Variants in SEC24B observed in about 807,000 individuals in gnomAD.
SEC24B encodes the protein SEC24 homolog B, COPII component.
SEC24B carries 45 observed loss-of-function variants against 142.8 expected under a neutral mutation model. That is an observed-to-expected ratio of 0.32 (90% confidence interval 0.25 to 0.40). The LOEUF (loss-of-function observed/expected upper bound fraction) is 0.40, where lower values mean the gene tolerates loss of function less well. Among genes scored for constraint, SEC24B ranks in the 10% least tolerant of loss-of-function variants. The probability of loss-of-function intolerance (pLI) is 1.00; values close to 1 mark genes in which losing one functional copy is unlikely to be tolerated. For missense variants in SEC24B, 1,409 were observed against 1,526.8 expected, an observed-to-expected ratio of 0.92 and a Z score of 1.29; for synonymous variants, 574 against 568.2, an observed-to-expected ratio of 1.01 and a Z score of -0.15.
At chr4:109,485,460 G>T (rs1252235694) in intron 4 of SEC24B, among the ~76,000 whole-genome samples, 1 of 152,130 alleles carries the variant, frequency 6.6e-6, no homozygotes, top group African/African-American at 2.4e-5. Context: ...TGGGAGTAAA[G>T]GGCACATGAC....
chr4:109,526,536 T>G (rs1246998952), intron 17 of SEC24B, 137 bp downstream of exon 17: 1 of 568,390 alleles, frequency 1.8e-6, no homozygotes, highest in African/African-American at 1.9e-5. Context: ...CAAACATATG[T>G]TGTTATTTTC....
intron 2 of SEC24B, among the ~76,000 whole-genome samples, chr4:109,466,889 A>G (rs1731953899): frequency 6.6e-6 from 1 of 152,256 alleles, no homozygotes; most frequent in Non-Finnish European, 1.5e-5. Context: ...AGATGGATAC[A>G]TACTGTTATT....
intron 2 of SEC24B, among the ~76,000 whole-genome samples, chr4:109,470,733 A>G (rs568764099): frequency 6.6e-6 from 1 of 152,370 alleles, no homozygotes; most frequent in African/African-American, 2.4e-5. Flanking sequence ...GAATAAATAA[A>G]TTATATTCTT....
At chr4:109,434,428 T>C (rs1728193246) in intron 1 of SEC24B, among the ~76,000 whole-genome samples, 2 of 152,156 alleles carry the variant, frequency 1.3e-5, no homozygotes, top group African/African-American at 2.4e-5. Flanking sequence ...CCGAGGCCGC[T>C]GAGTGCGTGG....
At chr4:109,482,628 T>A (rs1375431232) in intron 4 of SEC24B, among the ~76,000 whole-genome samples, 4 of 151,794 alleles carry the variant, frequency 2.6e-5, no homozygotes, top group Non-Finnish European at 2.9e-5. Flanking sequence ...CTATATATAT[T>A]TTTTTATTTT....
At chr4:109,530,895 C>CAAAAAAAA (rs35997146) in intron 19 of SEC24B, among the ~76,000 whole-genome samples, 13 of 46,326 alleles carry the variant, frequency 2.8e-4, no homozygotes, top group East Asian at 8.9e-4. Context: ...GACTCCGTCT[C>CAAAAAAAA]AAAAAAAAAA....
intron 20 of SEC24B, 116 bp from the exon 21 acceptor site, chr4:109,532,523 A>G (rs1725037157): frequency 1.4e-6 from 1 of 723,600 alleles, no homozygotes; most frequent in Non-Finnish European, 2.4e-6. Flanking sequence ...TTTTTATATC[A>G]TGCAAAACTC....
rs1724137242 is a variant in SEC24B at position 109,525,593 on chromosome 4, T to G, written c.2791+89T>G. On this transcript the variant is annotated intron_variant, in intron 16 of 23. Coordinates refer to ENST00000265175, the MANE Select transcript of SEC24B (RefSeq NM_006323.5). ...TGTATTGACTACCTCTGACTGTTCA[T>G]GATGGAAGACTGTTTGATCTCATTA... 2.4e-5 allele frequency: 20 copies of G among 822,610 alleles called. No individual in the cohort carries two copies. In the South Asian group the frequency reaches 4.5e-4, roughly 19 times the overall value. 51.0% of individuals were successfully genotyped at this position (822,610 alleles called of 1,614,324 possible).
chr4:109,538,388 A>G, intron 22 of SEC24B, 105 bp from the exon 23 acceptor site: 1 of 698,382 alleles, frequency 1.4e-6, no homozygotes, highest in Admixed American at 2.1e-5. Flanking sequence ...AGGCTAAGAA[A>G]TAGAGTGCTG....
intron 4 of SEC24B, among the ~76,000 whole-genome samples, chr4:109,484,721 G>A (rs995623198): frequency 6.6e-6 from 1 of 151,818 alleles, no homozygotes; most frequent in Non-Finnish European, 1.5e-5. Context: ...GTGTGGTGGC[G>A]CACACCCATA....
chr4:109,461,937 G>A (rs571731623), intron 1 of SEC24B, among the ~76,000 whole-genome samples: 1 of 152,260 alleles, frequency 6.6e-6, no homozygotes, highest in South Asian at 2.1e-4. Context: ...GTGAGACCCT[G>A]TCTCTACAAG....
At chr4:109,448,562 G>T (rs1578766123) in intron 1 of SEC24B, among the ~76,000 whole-genome samples, 2 of 151,822 alleles carry the variant, frequency 1.3e-5, no homozygotes, top group East Asian at 3.9e-4. Flanking sequence ...AGCCTCCCAA[G>T]TAGCTGAGAC....
In SEC24B at chr4:109,452,410, C is replaced by T. The variant is rs138428256; in HGVS notation, c.134-10491C>T. Among the ~76,000 whole-genome samples the T allele has an allele frequency of 2.3e-3, 346 of 152,292 alleles. 1 individual carries two copies. The highest frequency in any genetic ancestry group is 4.2e-3 in the Non-Finnish European group (283 of 68,028). On this transcript the variant is annotated intron_variant, in intron 1 of 23. Coordinates refer to ENST00000265175, the MANE Select transcript of SEC24B (RefSeq NM_006323.5). ...TCATGTACTGGCTTCTGTGTGAACG[C>T]AAGTTTGCAGCTCACTTAGGTAAAT... is the stretch of plus-strand genomic sequence containing the variant.
chr4:109,464,978 A>G (rs918991423), intron 2 of SEC24B, among the ~76,000 whole-genome samples: 1 of 152,192 alleles, frequency 6.6e-6, no homozygotes, highest in Non-Finnish European at 1.5e-5. Flanking sequence ...TGCAGCATGT[A>G]GGTTATAGAA....
At chr4:109,472,697 G>A (rs1732652894) in intron 2 of SEC24B, among the ~76,000 whole-genome samples, 1 of 151,894 alleles carries the variant, frequency 6.6e-6, no homozygotes, top group East Asian at 1.9e-4. Flanking sequence ...AGTTCACTTT[G>A]TTTAAGAAGG....
chr4:109,434,079 G>A, intron 1 of SEC24B, 77 bp downstream of exon 1: 9 of 953,290 alleles, frequency 9.4e-6, no homozygotes, highest in Non-Finnish European at 1.1e-5. Context: ...GGGGCGGGGC[G>A]GGCCGGGCCG....
intron 3 of SEC24B, among the ~76,000 whole-genome samples, chr4:109,481,166 GT>G (rs147609978): frequency 6.6e-6 from 1 of 151,920 alleles, no homozygotes; most frequent in Non-Finnish European, 1.5e-5. Context: ...GCCGAATACA[GT>G]TTTTTTCTTT....
At chr4:109,449,647 G>C (rs1026029104) in intron 1 of SEC24B, 4 of 389,380 alleles carry the variant, frequency 1.0e-5, no homozygotes, top group East Asian at 7.7e-5. Flanking sequence ...GCCTTTTCTT[G>C]GTATGTGCAC....
intron 6 of SEC24B, among the ~76,000 whole-genome samples, chr4:109,495,316 C>T (rs1735427470): frequency 6.6e-6 from 1 of 152,206 alleles, no homozygotes; most frequent in Admixed American, 6.5e-5. Context: ...AGAGCCTCCA[C>T]ACACATAAAT....
Sources: gnomAD v4.1 joint callset for allele counts (sites outside exome capture counted in the v4.1 genomes callset) on GRCh38, gnomAD v4.1.1 for gene constraint, MANE v1.5 for transcripts, NCBI Gene and HGNC (gene_info 2026-07-23, HGNC 2026-07-21) for gene names.